SLC17A1: variants seen among roughly 807,000 people sequenced by gnomAD.
The protein encoded by SLC17A1 is sodium-dependent phosphate transport protein 1.
Under a neutral mutation model 53.5 loss-of-function variants are expected in SLC17A1, and 51 were observed. The observed-to-expected ratio is 0.95, with a 90% CI of 0.76 to 1.20. SLC17A1 has a LOEUF of 1.20. SLC17A1 is among the 50% of genes most tolerant of loss of function. SLC17A1 has a pLI of 0.00. For missense variants in SLC17A1, 538 were observed against 568.2 expected (o/e 0.95, Z 0.54); for synonymous variants, 179 against 198.8 (o/e 0.90, Z 0.84).
At chr6:25,770,028 T>C in the SLC17A1 span, 88 of 1,588,086 alleles carry the variant, frequency 5.5e-5, no homozygotes, top group Non-Finnish European at 7.2e-5. Context: ...CTGTCAATCC[T>C]TCAACTAAAG....
At chr6:25,818,925 A>G in intron 6 of SLC17A1, 143 bp downstream of exon 6, 1 of 565,426 alleles carries the variant, frequency 1.8e-6, no homozygotes, top group Non-Finnish European at 3.1e-6. Flanking sequence ...GAACTTAATG[A>G]GTATTGACTT....
chr6:25,733,631 CTAAGATACAAACCTA>C, the SLC17A1 span, among the ~76,000 whole-genome samples: 1 of 152,046 alleles, frequency 6.6e-6, no homozygotes, highest in African/African-American at 2.4e-5. Context: ...AACATACACA[CTAAGATACAAACCTA>C]TAATTAGCCT....
At chr6:25,726,145 G>A in the SLC17A1 span, 18 of 1,544,574 alleles carry the variant, frequency 1.2e-5, no homozygotes, top group Admixed American at 6.1e-5. Context: ...CTTGCTTTGG[G>A]CTTTATGGTG....
chr6:25,794,762 G>C (rs1763570405), intron 12 of SLC17A1, among the ~76,000 whole-genome samples: 1 of 152,330 alleles, frequency 6.6e-6, no homozygotes, highest in South Asian at 2.1e-4. Context: ...CTTCCTGGGT[G>C]AGGCTGGGTA....
At chr6:25,772,248 G>A in the SLC17A1 span, among the ~76,000 whole-genome samples, 152,206 of 152,324 alleles carry the variant, frequency 1, 76,044 homozygotes, top group Non-Finnish European at 1. Flanking sequence ...GAGCATATAC[G>A]CAATAGAAAC....
chr6:25,758,217 G>C, the SLC17A1 span, among the ~76,000 whole-genome samples: 1 of 152,178 alleles, frequency 6.6e-6, no homozygotes, highest in South Asian at 2.1e-4. Context: ...TGACCTCCTT[G>C]CAGGCAGCTC....
chr6:25,751,891 T>C, the SLC17A1 span, among the ~76,000 whole-genome samples: 1,099 of 152,304 alleles, frequency 7.2e-3, 10 homozygotes, highest in African/African-American at 0.019. Flanking sequence ...CTACTTCTTT[T>C]TATGCATCAA....
the SLC17A1 span, chr6:25,732,889 CA>C: frequency 1.7e-5 from 4 of 235,152 alleles, no homozygotes; most frequent in Admixed American, 1.0e-4. Flanking sequence ...GAAACAAAAA[CA>C]AAAACAAAAA....
chr6:25,732,393 G>A, the SLC17A1 span: 1 of 269,780 alleles, frequency 3.7e-6, no homozygotes, highest in Non-Finnish European at 7.2e-6. Flanking sequence ...AATACGCTGA[G>A]TACCCGTTTT....
intron 12 of SLC17A1, among the ~76,000 whole-genome samples, chr6:25,786,513 C>T (rs1763385809): frequency 6.6e-6 from 1 of 152,056 alleles, no homozygotes; most frequent in Non-Finnish European, 1.5e-5. Context: ...GGACTGATAG[C>T]CAGGCCCAAG....
chr6:25,727,393 G>A, the SLC17A1 span: 9 of 1,013,614 alleles, frequency 8.9e-6, no homozygotes, highest in South Asian at 2.0e-5. Context: ...GTTTCTAACC[G>A]TAAGGGTTTT....
the SLC17A1 span, among the ~76,000 whole-genome samples, chr6:25,723,806 A>G: frequency 1.3e-5 from 2 of 152,066 alleles, no homozygotes; most frequent in South Asian, 2.1e-4. Context: ...GTTGGGGGGG[A>G]AAATAAGTCA....
the SLC17A1 span, chr6:25,726,561 A>G: frequency 1.3e-6 from 2 of 1,583,192 alleles, no homozygotes; most frequent in African/African-American, 1.3e-5. Flanking sequence ...CACGAGAACC[A>G]CATTTCTAGG....
the SLC17A1 span, among the ~76,000 whole-genome samples, chr6:25,747,557 G>T: frequency 1.3e-5 from 2 of 152,316 alleles, no homozygotes; most frequent in East Asian, 3.8e-4. Context: ...TACCGTTATG[G>T]ACTGAATGTT....
At chr6:25,800,495 T>G (rs1349659639) in intron 11 of SLC17A1, among the ~76,000 whole-genome samples, 2 of 151,914 alleles carry the variant, frequency 1.3e-5, no homozygotes. Flanking sequence ...GAAGTCTGCC[T>G]TCATAGTCAG....
intron 10 of SLC17A1, among the ~76,000 whole-genome samples, chr6:25,807,038 G>A (rs1763980415): frequency 6.6e-6 from 1 of 152,058 alleles, no homozygotes; most frequent in Non-Finnish European, 1.5e-5. Context: ...AGACATTGAT[G>A]TGGATGTGGT....
the SLC17A1 span, among the ~76,000 whole-genome samples, chr6:25,764,332 T>A: frequency 1.3e-5 from 2 of 152,144 alleles, no homozygotes; most frequent in African/African-American, 4.8e-5. Context: ...GTATCCTTTC[T>A]CCATATCAAA....
intron 3 of SLC17A1, among the ~76,000 whole-genome samples, chr6:25,823,637 T>C (rs1052415990): frequency 6.6e-6 from 1 of 151,812 alleles, no homozygotes; most frequent in Non-Finnish European, 1.5e-5. Flanking sequence ...TGTTCACATC[T>C]TTTTTTTCCA....
chr6:25,742,203 G>C, the SLC17A1 span, among the ~76,000 whole-genome samples: 1 of 152,184 alleles, frequency 6.6e-6, no homozygotes, highest in Non-Finnish European at 1.5e-5. Flanking sequence ...CAACCAATCA[G>C]TGTTCAGCTA....
Sources: gnomAD v4.1 joint callset for allele counts (sites outside exome capture counted in the v4.1 genomes callset) on GRCh38, gnomAD v4.1.1 for gene constraint, MANE v1.5 for transcripts, NCBI Gene and HGNC (gene_info 2026-07-23, HGNC 2026-07-21) for gene names.